The following MYBL1 variants were observed in gnomAD, a reference collection of about 807,000 sequenced individuals.
The protein encoded by MYBL1 is MYB proto-oncogene like 1, also known as myb-related protein A.
MYBL1 carries 17 observed loss-of-function variants against 96.3 expected under a neutral mutation model. The observed-to-expected ratio is 0.18, with a 90% CI of 0.12 to 0.26. MYBL1 has a LOEUF of 0.26. MYBL1 is among the 10% of genes least tolerant of loss of function. The pLI, the probability that MYBL1 is intolerant of heterozygous loss-of-function variation, is 1.00. For missense variants in MYBL1, 701 were observed against 882.9 expected, an observed-to-expected ratio of 0.79 and a Z score of 2.61; for synonymous variants, 282 against 292.7, an observed-to-expected ratio of 0.96 and a Z score of 0.37.
chr8:66,572,423 C>A, intron 12 of MYBL1, 59 bp downstream of exon 12: 2 of 765,694 alleles, frequency 2.6e-6, no homozygotes, highest in East Asian at 2.8e-5. Flanking sequence ...TGATAAAAAT[C>A]ATAATTTGTG....
At position 66,602,532 on chromosome 8, in the gene MYBL1, A is replaced by G. The variant is rs1354109828; in HGVS notation, c.21-9T>C. 3 of 1,568,646 alleles carry G rather than the reference A, an allele frequency of 1.9e-6. No homozygotes were observed. The highest frequency in any genetic ancestry group is 2.3e-5 in the East Asian group (1 of 44,068). ...CATCATCCTCATCCTCACTACAAAA[A>G]AAACACAATTTGTGATATCAAGAAT... On this transcript the variant is annotated splice_polypyrimidine_tract_variant and intron_variant, in intron 1 of 15. Transcript: ENST00000522677.
chr8:66,593,128 A>C lies in MYBL1; in HGVS notation c.754T>G (p.Phe252Val). The change falls in exon 7 of 16, where the codon TTT (phenylalanine) becomes GTT (valine). Residue 252 changes from phenylalanine (F) to valine (V), a missense_variant. Physicochemically the swap from Phe to Val is conservative, Grantham distance 50 (BLOSUM62 -1). This residue lies in a region of MYBL1 where 396 missense variants were observed against 407.4 expected (regional missense o/e 0.97). Transcript: ENST00000522677. ...CIEHVQPTSA[F>V]IQQPFIDEDP... is the part of the protein sequence containing the mutation. The stretch of plus-strand genomic sequence containing the variant: ...TTATAAATAAAAGTTACCTGAATAA[A>C]GGCAGAAGTAGGCTGAACATGTTCT... 2 of 1,573,996 alleles carry C rather than the reference A, an allele frequency of 1.3e-6. No individual in the cohort carries two copies. The highest frequency in any genetic ancestry group is 1.7e-6 in the Non-Finnish European group (2 of 1,156,492).
chr8:66,595,443 A>T (rs540200321), intron 6 of MYBL1, 140 bp downstream of exon 6: 2 of 425,126 alleles, frequency 4.7e-6, no homozygotes, highest in Non-Finnish European at 8.1e-6. Flanking sequence ...AATATTTATA[A>T]ATCAAAGTTA....
At chr8:66,611,275 A>G (rs1563557409) in intron 1 of MYBL1, among the ~76,000 whole-genome samples, 1 of 152,124 alleles carries the variant, frequency 6.6e-6, no homozygotes, top group Non-Finnish European at 1.5e-5. Context: ...CTTGTTATTG[A>G]GTTAACATAT....
intron 1 of MYBL1, chr8:66,612,468 G>C (rs985813426): frequency 2.9e-5 from 9 of 309,282 alleles, no homozygotes; most frequent in Admixed American, 5.0e-5. Context: ...GCAGGACACA[G>C]TCAGTTTTCT....
At chr8:66,612,552 G>A in intron 1 of MYBL1, 1 of 397,696 alleles carries the variant, frequency 2.5e-6, no homozygotes, top group East Asian at 3.6e-5. Flanking sequence ...GCAGCATGAG[G>A]TCAGAAATCT....
Position 66,566,775 on chromosome 8 carries a change from C to G in MYBL1, c.1859G>C (p.Gly620Ala), listed in dbSNP as rs547583591. The change falls in exon 14 of 16, where the codon GGG becomes GCG. Residue 620 changes from glycine to alanine, a missense_variant. This residue lies in a region of MYBL1 where 63 missense variants were observed against 109.2 expected (regional missense o/e 0.58). Coordinates refer to ENST00000522677, the MANE Select transcript of MYBL1 (RefSeq NM_001080416.4). ...GACTAGTGATTTTCTGACTTTCTTC[C>G]CAGAAGCGGTATTCTAGAATGAGTA... The part of the protein sequence containing the change: ...KSCKQENTAS[G>A]KKVRKSLVLD... 6.2e-7 allele frequency: 1 copy of G among 1,609,020 alleles called. No individual in the cohort carries two copies. Among genetic ancestry groups the G allele is most frequent in the Non-Finnish European group, 8.5e-7 (1 of 1,176,478 alleles).
intron 5 of MYBL1, among the ~76,000 whole-genome samples, chr8:66,596,640 GA>G (rs1056551574): frequency 2.6e-5 from 4 of 152,072 alleles, no homozygotes; most frequent in Admixed American, 2.6e-4. Context: ...AAGAATACAT[GA>G]AAAAGCACTT....
intron 12 of MYBL1, among the ~76,000 whole-genome samples, chr8:66,567,404 T>G (rs1808546787): frequency 6.6e-6 from 1 of 152,176 alleles, no homozygotes. Flanking sequence ...TAATTACTAG[T>G]TAACACGTTT....
chr8:66,598,385 G>A (rs568264996), intron 4 of MYBL1, among the ~76,000 whole-genome samples: 2 of 152,286 alleles, frequency 1.3e-5, no homozygotes, highest in Admixed American at 6.5e-5. Context: ...GCAACATAGC[G>A]AGATTCCATC....
Position 66,576,329 on chromosome 8 carries a change from G to A in MYBL1, c.1148C>T (p.Ala383Val). ...SDVTSFDISD[A>V]AASPIKSTPV... ...GGTGGATTTGATAGGAGAAGCAGCA[G>A]CATCAGAAATATCAAAACTGGTAAC... Residue 383 changes from alanine to valine, a missense_variant, in exon 10 of 16, where the codon GCT becomes GTT. Around this residue, in one of 5 missense-constraint regions of MYBL1, gnomAD observed 396 missense variants for 407.4 expected, o/e 0.97. Coordinates refer to ENST00000522677, the MANE Select transcript of MYBL1 (RefSeq NM_001080416.4). The A allele has an allele frequency of 2.5e-6, 4 of 1,613,642 alleles. No individual in the cohort carries two copies. Among genetic ancestry groups the A allele is most frequent in the Non-Finnish European group, 3.4e-6 (4 of 1,179,770 alleles).
chr8:66,605,714 G>A (rs1810285723), intron 1 of MYBL1, among the ~76,000 whole-genome samples: 1 of 152,124 alleles, frequency 6.6e-6, no homozygotes, highest in African/African-American at 2.4e-5. Flanking sequence ...TACTCGGGAG[G>A]CTGAGGCAGG....
rs1258480336 is a variant in MYBL1 at position 66,566,259 on chromosome 8, G to A, written c.1951-16C>T. On this transcript the variant is annotated splice_polypyrimidine_tract_variant and intron_variant, in intron 14 of 15. Coordinates refer to ENST00000522677, the MANE Select transcript of MYBL1 (RefSeq NM_001080416.4). ...TATTTTCTGACTAAGAGAGAAAAAA[G>A]AAAGAGGAAAATAACTAATTCAAAA... 7.1e-7 allele frequency: 1 copy of A among 1,410,306 alleles called. No homozygotes were observed. Among genetic ancestry groups the A allele is most frequent in the Non-Finnish European group, 9.6e-7 (1 of 1,044,800 alleles). The allele number at this position is 1,410,306 out of a possible 1,614,324, so 87.4% of individuals were successfully genotyped here. A position where few individuals can be genotyped will look rare whatever the true frequency, so the allele number is the denominator to read the frequency against.
In MYBL1 at chr8:66,592,553, A is replaced by T; in HGVS notation, c.763-9T>A. ...TCATCAATGAAGGGTTGCTAAAATA[A>T]GTTAAATAAAAGAGAAAACAGGATG... On this transcript the variant is annotated splice_polypyrimidine_tract_variant and intron_variant, in intron 7 of 15. Transcript: ENST00000522677. 1 of 1,518,252 alleles carries T rather than the reference A, an allele frequency of 6.6e-7. No homozygotes were observed. Among genetic ancestry groups the T allele is most frequent in the Non-Finnish European group, 8.9e-7 (1 of 1,119,744 alleles). 94.0% of individuals were successfully genotyped at this position (1,518,252 alleles called of 1,614,324 possible).
At position 66,599,142 on chromosome 8, in the gene MYBL1, T is replaced by C. The variant is rs762154260; in HGVS notation, c.199A>G (p.Asn67Asp). ...DWTLIASHLQ[N>D]RSDFQCQHRW... Reference sequence around the variant, plus strand: ...TGCTGGCACTGAAAATCAGAGCGATTCTGAAAAAATTTAGAAGATTTTGTT... The same window carrying C: ...TGCTGGCACTGAAAATCAGAGCGATCCTGAAAAAATTTAGAAGATTTTGTT... Residue 67 changes from asparagine to aspartate, a missense_variant and splice_region_variant, in exon 4 of 16, where the codon AAT (asparagine) becomes GAT (aspartate). By Grantham distance (23) the Asn-to-Asp change is conservative. This residue lies in a region of MYBL1 where 68 missense variants were observed against 93.8 expected (regional missense o/e 0.72). Transcript: ENST00000522677. The C allele has an allele frequency of 1.9e-6, 3 of 1,564,268 alleles. No homozygotes were observed. Among genetic ancestry groups the C allele is most frequent in the Admixed American group, 4.1e-5 (2 of 48,458 alleles).
chr8:66,602,699 CTATATATA>C (rs67236935), intron 1 of MYBL1, among the ~76,000 whole-genome samples, 176 bp from the exon 2 acceptor site: 296 of 27,254 alleles, frequency 0.011, 6 homozygotes, highest in Middle Eastern at 0.05. Flanking sequence ...TGGGGTGGAG[CTATATATA>C]TATATATATA....
chr8:66,588,303 A>T (rs1809501098), intron 8 of MYBL1, among the ~76,000 whole-genome samples: 1 of 144,002 alleles, frequency 6.9e-6, no homozygotes, highest in Non-Finnish European at 1.5e-5. Context: ...TTTTTGAGAC[A>T]GGGTCTCACT....
Position 66,573,385 on chromosome 8 carries a change from T to G in MYBL1, c.1592A>C (p.Lys531Thr). The G allele has an allele frequency of 6.2e-7, 1 of 1,610,164 alleles. No individual in the cohort carries two copies. The highest frequency in any genetic ancestry group is 8.5e-7 in the Non-Finnish European group (1 of 1,178,728). Residue 531 changes from lysine to threonine, a missense_variant, in exon 11 of 16, where the codon AAA becomes ACA. Around this residue, in one of 5 missense-constraint regions of MYBL1, gnomAD observed 396 missense variants for 407.4 expected, o/e 0.97. Transcript: ENST00000522677. ...TTACCCTACATTTTCCTTTTGATCTTTGGGAGTTGTTTCCTTATGAAGAGG... is the reference window on the plus strand; with the variant it reads ...TTACCCTACATTTTCCTTTTGATCTGTGGGAGTTGTTTCCTTATGAAGAGG... ...TTPLHKETTP[K>T]DQKENVGFRT...
chr8:66,602,733 ATTTTTT>A (rs143426704), intron 1 of MYBL1, among the ~76,000 whole-genome samples: 139 of 27,858 alleles, frequency 5.0e-3, no homozygotes, highest in Non-Finnish European at 6.7e-3. Flanking sequence ...ATATATATAT[ATTTTTT>A]TTTTTTTTTT....
Sources: gnomAD v4.1 joint callset for allele counts (sites outside exome capture counted in the v4.1 genomes callset) on GRCh38, gnomAD v4.1.1 for gene constraint, gnomAD v4.1.1 regional missense constraint, MANE v1.5 for transcripts, NCBI Gene and HGNC (gene_info 2026-07-23, HGNC 2026-07-21) for gene names.